The following GSE1 variants were observed in gnomAD, a reference collection of about 807,000 sequenced individuals.
GSE1 encodes the protein Gse1 coiled-coil protein, also known as genetic suppressor element 1.
GSE1 carries 32 observed loss-of-function variants against 112.6 expected under a neutral mutation model. The ratio of observed to expected loss-of-function variants is 0.28; its 90% confidence interval spans 0.21 to 0.38. The LOEUF (loss-of-function observed/expected upper bound fraction) is 0.38, where lower values mean the gene tolerates loss of function less well. Ranked by LOEUF, GSE1 falls within the 10% of genes least tolerant of loss-of-function variation. The pLI, the probability that GSE1 is intolerant of heterozygous loss-of-function variation, is 1.00. For missense variants in GSE1, 2,348 were observed against 1,699.2 expected (o/e 1.38, Z -6.71); for synonymous variants, 1,115 against 735.6 (o/e 1.52, Z -8.35).
chr16:85,336,475 G>A (rs2151529537), intron 1 of GSE1, among the ~76,000 whole-genome samples: 1 of 152,344 alleles, frequency 6.6e-6, no homozygotes, highest in Non-Finnish European at 1.5e-5. Flanking sequence ...TAGGCCACCT[G>A]CAGCCTTGGT....
At chr16:85,618,532 C>A (rs555475147) in intron 1 of GSE1, among the ~76,000 whole-genome samples, 2 of 152,342 alleles carry the variant, frequency 1.3e-5, no homozygotes, top group African/African-American at 4.8e-5. Flanking sequence ...CCTCAGTCTT[C>A]TAATCTGTGG....
intron 1 of GSE1, among the ~76,000 whole-genome samples, chr16:85,558,132 C>G (rs1414804855): frequency 6.6e-6 from 1 of 152,202 alleles, no homozygotes; most frequent in African/African-American, 2.4e-5. Context: ...GAACTCAGAG[C>G]TATCTCTCCC....
At chr16:85,507,783 G>T (rs1283687603) in intron 2 of GSE1, among the ~76,000 whole-genome samples, 1 of 152,204 alleles carries the variant, frequency 6.6e-6, no homozygotes, top group East Asian at 1.9e-4. Flanking sequence ...AGGCCCGGGG[G>T]CTGGGATGTC....
Position 85,290,652 on chromosome 16 carries a change from C to T in GSE1, c.2284-66811C>T, listed in dbSNP as rs577351777. 1.3e-3 allele frequency among the ~76,000 whole-genome samples: 205 copies of T among 152,256 alleles called. 1 individual carries two copies. The highest frequency in any genetic ancestry group is 2.6e-3 in the Admixed American group (39 of 15,290). On this transcript the variant is annotated intron_variant, in intron 1 of 2. Coordinates refer to the GSE1 transcript ENST00000637419. ...GGGAGCACCTTTTTCCAACATACAC[C>T]GCTGTTTGTAATAATCTGTAATAAT... is the stretch of plus-strand genomic sequence containing the variant.
intron 1 of GSE1, among the ~76,000 whole-genome samples, chr16:85,568,283 C>T (rs1325995136): frequency 6.6e-6 from 1 of 152,194 alleles, no homozygotes. Flanking sequence ...GGTCTTTGTG[C>T]CCTGGTGGGG....
chr16:85,504,250 G>A (rs1419858783), intron 2 of GSE1, among the ~76,000 whole-genome samples: 1 of 152,246 alleles, frequency 6.6e-6, no homozygotes, highest in South Asian at 2.1e-4. Context: ...CAAAGCCCAC[G>A]ATGTAAGATG....
At chr16:85,322,667 G>A (rs960043773) in intron 1 of GSE1, among the ~76,000 whole-genome samples, 1 of 147,014 alleles carries the variant, frequency 6.8e-6, no homozygotes, top group African/African-American at 2.5e-5. Flanking sequence ...CCAGTCTCCA[G>A]TGCAATGGCG....
intron 2 of GSE1, among the ~76,000 whole-genome samples, chr16:85,486,305 G>A (rs912917015): frequency 1.3e-5 from 1 of 78,602 alleles, no homozygotes; most frequent in Non-Finnish European, 2.3e-5. Context: ...TCACACACAC[G>A]TACGCACACT....
intron 2 of GSE1, among the ~76,000 whole-genome samples, chr16:85,384,268 CTG>C (rs1282168285): frequency 1.3e-5 from 2 of 152,176 alleles, no homozygotes; most frequent in African/African-American, 4.8e-5. Flanking sequence ...GTGCCTTGCT[CTG>C]TGTGGGTGCG....
chr16:85,674,892 T>G lies in GSE1; in HGVS notation c.*2353T>G, dbSNP rs994117936. The stretch of plus-strand genomic sequence containing the variant: ...GTCTCCCCATCCTTCCACCTACTTG[T>G]GGCGATCTGAGTACTCTACTCTTGC... On this transcript the variant is annotated 3_prime_UTR_variant, in exon 16 of 16. Coordinates refer to ENST00000253458, the MANE Select transcript of GSE1 (RefSeq NM_014615.5). The G allele has an allele frequency of 5.2e-5, 8 of 152,634 alleles. No individual in the cohort carries two copies. Among genetic ancestry groups the G allele is most frequent in the East Asian group, 1.9e-4 (1 of 5,194 alleles). The allele number at this position is 152,634 out of a possible 1,614,324, so 9.5% of individuals were successfully genotyped here. A position where few individuals can be genotyped will look rare whatever the true frequency, so the allele number is the denominator to read the frequency against.
chr16:85,317,006 C>G (rs556129213), intron 1 of GSE1, among the ~76,000 whole-genome samples: 2 of 152,206 alleles, frequency 1.3e-5, no homozygotes, highest in Non-Finnish European at 1.5e-5. Flanking sequence ...CAGGCCCCGT[C>G]CCTGCACTGC....
intron 2 of GSE1, among the ~76,000 whole-genome samples, chr16:85,460,434 A>G (rs9923859): frequency 0.92 from 140,031 of 152,288 alleles, 64,670 homozygotes; most frequent in Non-Finnish European, 0.96. Context: ...GGGACGCTGG[A>G]CGATTTGGCC....
intron 1 of GSE1, among the ~76,000 whole-genome samples, chr16:85,225,276 TGTG>T (rs1037219001): frequency 2.0e-5 from 3 of 152,168 alleles, no homozygotes; most frequent in Non-Finnish European, 4.4e-5. Context: ...CCATAGATTC[TGTG>T]GTTGGGGCCC....
rs571435658 is a variant in GSE1, at chr16:85,534,874, C to T, written c.2465-99040C>T. 2.0e-5 allele frequency among the ~76,000 whole-genome samples: 3 copies of T among 152,302 alleles called. No homozygotes were observed. In the South Asian group the frequency reaches 6.2e-4, roughly 32 times the overall value. On this transcript the variant is annotated intron_variant, in intron 2 of 2. Transcript: ENST00000637419. ...GTGGTGTTCCGTGGTAGCGATTTAG[C>T]GATTTGTTGGTCCAGTCTTTTGCTT...
At chr16:85,612,316 C>T (rs928093271), upstream of GSE1, among the ~76,000 whole-genome samples, 96 of 151,968 alleles carry the variant, frequency 6.3e-4, no homozygotes, top group Non-Finnish European at 1.1e-3. Flanking sequence ...CCTCTCCGCG[C>T]CGCCTGTGGG....
chr16:85,637,573 C>T (rs1346040733), intron 2 of GSE1, among the ~76,000 whole-genome samples: 2 of 152,178 alleles, frequency 1.3e-5, no homozygotes, highest in Non-Finnish European at 2.9e-5. Flanking sequence ...CGAGCGCCTG[C>T]TGTGCCCCTG....
intron 2 of GSE1, among the ~76,000 whole-genome samples, chr16:85,505,822 G>C (rs2051517454): frequency 6.6e-6 from 1 of 152,108 alleles, no homozygotes; most frequent in Non-Finnish European, 1.5e-5. Context: ...GCAACATAGG[G>C]AGACCCCCAT....
At chr16:85,256,349 T>C (rs919847089) in intron 1 of GSE1, among the ~76,000 whole-genome samples, 8 of 152,220 alleles carry the variant, frequency 5.3e-5, no homozygotes, top group Non-Finnish European at 1.0e-4. Context: ...TTTGCATTAA[T>C]AAAAATGACA....
intron 1 of GSE1, among the ~76,000 whole-genome samples, chr16:85,261,835 C>T (rs1907722468): frequency 6.6e-6 from 1 of 152,216 alleles, no homozygotes; most frequent in South Asian, 2.1e-4. Flanking sequence ...GTTTCTGCAG[C>T]TGGGCAGCAG....
Sources: gnomAD v4.1 joint callset for allele counts (sites outside exome capture counted in the v4.1 genomes callset) on GRCh38, gnomAD v4.1.1 for gene constraint, MANE v1.5 for transcripts, NCBI Gene and HGNC (gene_info 2026-07-23, HGNC 2026-07-21) for gene names.